Variants in FSTL5 observed in about 807,000 individuals in gnomAD.
The protein encoded by FSTL5 is follistatin like 5.
Under a neutral mutation model 89.1 loss-of-function variants are expected in FSTL5, and 62 were observed. The observed-to-expected ratio is 0.70, with a 90% confidence interval of 0.57 to 0.86. FSTL5 has a LOEUF of 0.86. FSTL5 is among the 40% of genes least tolerant of loss of function. The probability of loss-of-function intolerance (pLI) is 0.00; values close to 1 mark genes in which losing one functional copy is unlikely to be tolerated. For synonymous variants in FSTL5, 383 were observed against 346.2 expected, an observed-to-expected ratio of 1.11 and a Z score of -1.18; for missense variants, 1,057 against 1,001.6, an observed-to-expected ratio of 1.06 and a Z score of -0.75.
At chr4:161,769,487 C>A (rs945833885) in intron 5 of FSTL5, among the ~76,000 whole-genome samples, 5 of 152,112 alleles carry the variant, frequency 3.3e-5, no homozygotes, top group Admixed American at 3.3e-4. Context: ...GATCATTCAT[C>A]ATGATCAAGT....
intron 7 of FSTL5, among the ~76,000 whole-genome samples, chr4:161,607,005 G>T (rs149499797): frequency 6.6e-6 from 1 of 151,992 alleles, no homozygotes; most frequent in Admixed American, 6.6e-5. Context: ...AGGCTGCAAG[G>T]GTGAAATGAA....
At chr4:161,563,916 A>G (rs1732702072) in intron 8 of FSTL5, among the ~76,000 whole-genome samples, 1 of 152,004 alleles carries the variant, frequency 6.6e-6, no homozygotes, top group Non-Finnish European at 1.5e-5. Flanking sequence ...AATGAAAAGA[A>G]AAAACAACAC....
At chr4:162,096,680 G>A (rs1214167964) in intron 2 of FSTL5, among the ~76,000 whole-genome samples, 1 of 151,796 alleles carries the variant, frequency 6.6e-6, no homozygotes, top group Non-Finnish European at 1.5e-5. Context: ...AATTCTTGTG[G>A]ACAAGTAATG....
chr4:161,546,575 G>T (rs1329770844), intron 8 of FSTL5, among the ~76,000 whole-genome samples: 1 of 151,554 alleles, frequency 6.6e-6, no homozygotes, highest in Non-Finnish European at 1.5e-5. Context: ...AAACTAAAGA[G>T]AACACATTAT....
At chr4:161,915,193 A>G (rs944356310) in intron 4 of FSTL5, among the ~76,000 whole-genome samples, 3 of 152,124 alleles carry the variant, frequency 2.0e-5, no homozygotes, top group Non-Finnish European at 2.9e-5. Flanking sequence ...TTAATTAATA[A>G]TTTAACATTT....
intron 13 of FSTL5, among the ~76,000 whole-genome samples, chr4:161,467,789 G>A (rs1056429774): frequency 2.0e-5 from 3 of 152,038 alleles, no homozygotes; most frequent in African/African-American, 7.2e-5. Context: ...CTAAAGAGGC[G>A]CACAGGCTGA....
At chr4:161,714,264 G>A (rs1301962180) in intron 6 of FSTL5, among the ~76,000 whole-genome samples, 2 of 151,964 alleles carry the variant, frequency 1.3e-5, no homozygotes, top group Non-Finnish European at 2.9e-5. Context: ...CTCACACAAG[G>A]AGAATGTAAA....
chr4:161,701,152 A>G (rs1419210927), intron 6 of FSTL5, among the ~76,000 whole-genome samples: 1 of 152,216 alleles, frequency 6.6e-6, no homozygotes, highest in Non-Finnish European at 1.5e-5. Flanking sequence ...AGCAATCAGC[A>G]TTTAAACCCA....
At chr4:161,576,125 C>A (rs538941894) in intron 8 of FSTL5, among the ~76,000 whole-genome samples, 2 of 152,116 alleles carry the variant, frequency 1.3e-5, no homozygotes, top group African/African-American at 2.4e-5. Flanking sequence ...ACGTGAAGGA[C>A]CTCTTCAAGG....
intron 5 of FSTL5, among the ~76,000 whole-genome samples, chr4:161,770,818 T>C (rs1741181854): frequency 6.6e-6 from 1 of 151,928 alleles, no homozygotes; most frequent in African/African-American, 2.4e-5. Flanking sequence ...TAACATTTTA[T>C]CTATAAAGGC....
chr4:161,571,057 C>A (rs1210081964), intron 8 of FSTL5, among the ~76,000 whole-genome samples: 4 of 151,666 alleles, frequency 2.6e-5, no homozygotes, highest in Admixed American at 2.0e-4. Flanking sequence ...TTCGGTGAGC[C>A]AAGATCACGC....
Position 161,542,699 on chromosome 4 carries a change from G to C in FSTL5, c.1016-6C>G. 2 of 1,420,654 alleles carry C rather than the reference G, an allele frequency of 1.4e-6. No homozygotes were observed. The highest frequency in any genetic ancestry group is 1.9e-6 in the Non-Finnish European group (2 of 1,079,652). The allele number at this position is 1,420,654 out of a possible 1,614,324, so 88.0% of individuals were successfully genotyped here. On this transcript the variant is annotated splice_region_variant and splice_polypyrimidine_tract_variant and intron_variant, in intron 8 of 15. Transcript: ENST00000306100. The stretch of plus-strand genomic sequence containing the variant: ...CACCCGGATGACTGGAGGAACTAAA[G>C]GAAAAAATGAAAGAGAAAGTGAATT...
chr4:161,999,305 C>T (rs1214788853), intron 3 of FSTL5, among the ~76,000 whole-genome samples: 1 of 151,944 alleles, frequency 6.6e-6, no homozygotes, highest in Non-Finnish European at 1.5e-5. Flanking sequence ...AGTATCTGGT[C>T]TACTTAAAAT....
At chr4:161,821,065 T>C (rs767568040) in intron 4 of FSTL5, among the ~76,000 whole-genome samples, 5 of 152,012 alleles carry the variant, frequency 3.3e-5, no homozygotes, top group Non-Finnish European at 5.9e-5. Flanking sequence ...TGACACAGAG[T>C]CTCATTCTGT....
chr4:161,447,443 C>A (rs886353868), intron 15 of FSTL5, among the ~76,000 whole-genome samples: 1 of 152,024 alleles, frequency 6.6e-6, no homozygotes, highest in Non-Finnish European at 1.5e-5. Context: ...CTATTTTGTT[C>A]TTCCACTTTG....
At chr4:161,758,854 A>G (rs917911838) in intron 6 of FSTL5, among the ~76,000 whole-genome samples, 14 of 152,190 alleles carry the variant, frequency 9.2e-5, no homozygotes, top group African/African-American at 3.4e-4. Flanking sequence ...CCTGATAAGT[A>G]ATTTTGGTTA....
intron 1 of FSTL5, among the ~76,000 whole-genome samples, chr4:162,126,602 C>T (rs952157902): frequency 6.6e-6 from 1 of 151,960 alleles, no homozygotes; most frequent in African/African-American, 2.4e-5. Context: ...TAATGTGTAG[C>T]CTCTCCATTT....
chr4:161,797,869 C>T (rs1229324613), intron 4 of FSTL5, among the ~76,000 whole-genome samples: 2 of 151,522 alleles, frequency 1.3e-5, no homozygotes, highest in African/African-American at 2.4e-5. Context: ...TGCAAAATAT[C>T]TTTAGCCAAA....
At chr4:161,805,848 T>A (rs1040157471) in intron 4 of FSTL5, among the ~76,000 whole-genome samples, 2 of 152,098 alleles carry the variant, frequency 1.3e-5, no homozygotes, top group African/African-American at 4.8e-5. Context: ...TCACTTTCCA[T>A]GGTTTTGGTT....
Sources: gnomAD v4.1 joint callset for allele counts (sites outside exome capture counted in the v4.1 genomes callset) on GRCh38, gnomAD v4.1.1 for gene constraint, MANE v1.5 for transcripts, NCBI Gene and HGNC (gene_info 2026-07-23, HGNC 2026-07-21) for gene names.